The following CDYL variants were observed in gnomAD, a reference collection of about 807,000 sequenced individuals.
The protein encoded by CDYL is chromodomain Y like, also known as chromodomain Y-like protein.
A neutral mutation model predicts 47.3 loss-of-function variants in CDYL; 8 were observed. The observed-to-expected ratio is 0.17, with a 90% CI of 0.10 to 0.31. CDYL has a LOEUF of 0.31. Ranked by LOEUF, CDYL falls within the 10% of genes least tolerant of loss-of-function variation. The pLI, the probability that CDYL is intolerant of heterozygous loss-of-function variation, is 1.00. For missense variants in CDYL, 471 were observed against 701.4 expected (o/e 0.67, Z 3.71); for synonymous variants, 266 against 265.0 (o/e 1.00, Z -0.04).
intron 2 of CDYL, among the ~76,000 whole-genome samples, chr6:4,901,734 C>T (rs914749751): frequency 6.6e-6 from 1 of 152,162 alleles, no homozygotes; most frequent in Non-Finnish European, 1.5e-5. Context: ...TCAAGACTTT[C>T]GCTTCTGTGT....
chr6:4,933,238 G>A (rs1377038909), intron 2 of CDYL, among the ~76,000 whole-genome samples: 2 of 152,114 alleles, frequency 1.3e-5, no homozygotes, highest in African/African-American at 2.4e-5. Context: ...CCAACCCCAA[G>A]TACCTCTCTC....
intron 3 of CDYL, among the ~76,000 whole-genome samples, chr6:4,738,846 C>G (rs1045100847): frequency 6.6e-6 from 1 of 152,214 alleles, no homozygotes; most frequent in African/African-American, 2.4e-5. Flanking sequence ...CAGATTTATA[C>G]GTAGCGACAT....
chr6:4,781,628 A>G (rs147986065), intron 1 of CDYL, among the ~76,000 whole-genome samples: 1 of 152,278 alleles, frequency 6.6e-6, no homozygotes, highest in East Asian at 1.9e-4. Context: ...ACTACTTTCA[A>G]TTCCTGTGTA....
At chr6:4,931,381 G>T (rs1440939935) in intron 2 of CDYL, among the ~76,000 whole-genome samples, 1 of 152,184 alleles carries the variant, frequency 6.6e-6, no homozygotes, top group African/African-American at 2.4e-5. Context: ...GCCCAAGAAG[G>T]CTTGTCTGAG....
At chr6:4,844,910 A>T (rs1201471879) in intron 1 of CDYL, among the ~76,000 whole-genome samples, 2 of 152,202 alleles carry the variant, frequency 1.3e-5, no homozygotes, top group Non-Finnish European at 2.9e-5. Flanking sequence ...ATTTTGCAAG[A>T]CAAAAAAGTT....
At chr6:4,723,251 T>C (rs1757406531) in intron 2 of CDYL, among the ~76,000 whole-genome samples, 1 of 152,132 alleles carries the variant, frequency 6.6e-6, no homozygotes, top group African/African-American at 2.4e-5. Context: ...CACAGGAGGA[T>C]GAAGTTTTAT....
chr6:4,897,545 A>T (rs1762318664), intron 2 of CDYL, among the ~76,000 whole-genome samples: 1 of 152,186 alleles, frequency 6.6e-6, no homozygotes, highest in African/African-American at 2.4e-5. Flanking sequence ...GCCCTCTAGG[A>T]AGAAGCCCCA....
intron 2 of CDYL, among the ~76,000 whole-genome samples, chr6:4,719,060 C>A (rs9378907): frequency 0.13 from 19,270 of 151,924 alleles, 1,448 homozygotes; most frequent in African/African-American, 0.23. Flanking sequence ...AGTTGCTAGG[C>A]CTACAGGCAT....
intron 3 of CDYL, among the ~76,000 whole-genome samples, chr6:4,758,159 G>C (rs2127421900): frequency 7.1e-6 from 1 of 141,222 alleles, no homozygotes; most frequent in Middle Eastern, 4.6e-3. Flanking sequence ...GGCCAATATG[G>C]TGAAATCCTG....
intron 1 of CDYL, among the ~76,000 whole-genome samples, chr6:4,837,373 CA>C (rs961931590): frequency 1.3e-5 from 2 of 150,924 alleles, no homozygotes; most frequent in African/African-American, 4.9e-5. Context: ...AAAAAATTTT[CA>C]AAAAATTATG....
chr6:4,821,317 G>A (rs1419299655), intron 1 of CDYL, among the ~76,000 whole-genome samples: 5 of 115,100 alleles, frequency 4.3e-5, no homozygotes, highest in Admixed American at 2.6e-4. Flanking sequence ...TCACTCTGTC[G>A]CCCAGGCTGG....
chr6:4,762,681 A>G (rs780020251), intron 3 of CDYL, among the ~76,000 whole-genome samples: 25 of 150,560 alleles, frequency 1.7e-4, no homozygotes, highest in Admixed American at 3.3e-4. Flanking sequence ...GTTTAAGAGC[A>G]GATGAGACAC....
upstream of CDYL, among the ~76,000 whole-genome samples, chr6:4,774,035 T>C (rs1037015393): frequency 6.6e-6 from 1 of 152,168 alleles, no homozygotes; most frequent in Non-Finnish European, 1.5e-5. Flanking sequence ...TGGGCAACAA[T>C]GGCAGTTTTG....
chr6:4,709,037 T>C (rs1757098374), intron 1 of CDYL, among the ~76,000 whole-genome samples: 2 of 152,082 alleles, frequency 1.3e-5, no homozygotes. Context: ...AAATAAAATA[T>C]TGTTAACTTT....
At chr6:4,927,284 T>C (rs1327733216) in intron 2 of CDYL, among the ~76,000 whole-genome samples, 3 of 152,216 alleles carry the variant, frequency 2.0e-5, no homozygotes, top group Admixed American at 2.0e-4. Context: ...ATGTACCGAT[T>C]TATGTATATG....
At chr6:4,857,242 C>A (rs553418011) in intron 1 of CDYL, among the ~76,000 whole-genome samples, 1 of 152,266 alleles carries the variant, frequency 6.6e-6, no homozygotes, top group Admixed American at 6.5e-5. Context: ...ACCATCACCA[C>A]CAAACATCGC....
At chr6:4,832,001 T>C (rs1291436844) in intron 1 of CDYL, among the ~76,000 whole-genome samples, 1 of 152,102 alleles carries the variant, frequency 6.6e-6, no homozygotes, top group Admixed American at 6.5e-5. Context: ...TTTCTAGATA[T>C]ACAATCATGT....
intron 2 of CDYL, among the ~76,000 whole-genome samples, chr6:4,727,510 C>G (rs1318962023): frequency 2.0e-5 from 3 of 152,112 alleles, no homozygotes; most frequent in African/African-American, 7.2e-5. Flanking sequence ...TCACACAAGT[C>G]CAGCCAAGTA....
At chr6:4,819,162 C>CTCTCTCTGTGTG (rs1016051589) in intron 1 of CDYL, among the ~76,000 whole-genome samples, 4 of 111,944 alleles carry the variant, frequency 3.6e-5, no homozygotes, top group African/African-American at 1.9e-4. Flanking sequence ...CTCTCTCTCT[C>CTCTCTCTGTGTG]TGTGTGTGTG....
Sources: allele counts gnomAD v4.1 joint callset (sites outside exome capture counted in the v4.1 genomes callset), GRCh38; gene constraint gnomAD v4.1.1; transcripts MANE v1.5; gene names NCBI Gene and HGNC (gene_info 2026-07-23, HGNC 2026-07-21).